LNPK: variants seen among roughly 807,000 people sequenced by gnomAD.
LNPK encodes the protein endoplasmic reticulum junction formation protein lunapark.
A neutral mutation model predicts 55.2 loss-of-function variants in LNPK; 29 were observed. The observed-to-expected ratio is 0.53, with a 90% CI of 0.39 to 0.72. The LOEUF (loss-of-function observed/expected upper bound fraction) is 0.72. LNPK is among the 30% of genes least tolerant of loss of function. LNPK has a pLI of 0.00. For missense variants in LNPK, 467 were observed against 494.8 expected, an observed-to-expected ratio of 0.94 and a Z score of 0.53; for synonymous variants, 162 against 168.2, an observed-to-expected ratio of 0.96 and a Z score of 0.29.
At chr2:175,965,646 T>C (rs900464292) in intron 6 of LNPK, among the ~76,000 whole-genome samples, 4 of 152,220 alleles carry the variant, frequency 2.6e-5, no homozygotes, top group Non-Finnish European at 5.9e-5. Flanking sequence ...ATTCGACATT[T>C]AAGAGGTAGG....
At chr2:175,995,072 A>G (rs1364534020) in intron 2 of LNPK, among the ~76,000 whole-genome samples, 1 of 151,266 alleles carries the variant, frequency 6.6e-6, no homozygotes, top group Non-Finnish European at 1.5e-5. Flanking sequence ...CAGGCGCGCA[A>G]CACTACGCCC....
At chr2:175,941,790 C>CA (rs59162981) in intron 9 of LNPK, among the ~76,000 whole-genome samples, 4,365 of 51,756 alleles carry the variant, frequency 0.084, 199 homozygotes, top group Non-Finnish European at 0.093. Flanking sequence ...GATTCCATCT[C>CA]AAAAAAAAAA....
chr2:175,951,594 T>TATATATATATATATATATATATATATAC (rs1685413244), intron 8 of LNPK, among the ~76,000 whole-genome samples: 1 of 97,562 alleles, frequency 1.0e-5, no homozygotes, highest in Non-Finnish European at 2.4e-5. Context: ...CATATATATA[T>TATATATATATATATATATATATATATAC]ATATATATAT....
chr2:175,967,793 A>T, intron 6 of LNPK: 1 of 966,428 alleles, frequency 1.0e-6, no homozygotes, highest in Non-Finnish European at 1.2e-6. Flanking sequence ...TTCTTCTGTT[A>T]TTGTGTAGCC....
At chr2:175,978,410 T>G (rs1383610240) in intron 5 of LNPK, among the ~76,000 whole-genome samples, 1 of 152,182 alleles carries the variant, frequency 6.6e-6, no homozygotes, top group Non-Finnish European at 1.5e-5. Context: ...TTTACATCTA[T>G]TTTCTGTATA....
At chr2:175,951,316 A>C (rs1685386331) in intron 8 of LNPK, among the ~76,000 whole-genome samples, 1 of 151,902 alleles carries the variant, frequency 6.6e-6, no homozygotes, top group South Asian at 2.1e-4. Context: ...TGGTGCACCC[A>C]TCACCCAAAC....
At chr2:175,991,630 A>T (rs1475743003) in intron 4 of LNPK, among the ~76,000 whole-genome samples, 3 of 152,190 alleles carry the variant, frequency 2.0e-5, no homozygotes, top group African/African-American at 7.2e-5. Context: ...CAGTCAGAGA[A>T]TTTTGTATTT....
chr2:175,973,260 T>C (rs1413396898), intron 5 of LNPK, among the ~76,000 whole-genome samples: 1 of 152,188 alleles, frequency 6.6e-6, no homozygotes, highest in African/African-American at 2.4e-5. Context: ...TATTTCAATC[T>C]AGGTTTTGAG....
intron 4 of LNPK, among the ~76,000 whole-genome samples, chr2:175,987,470 C>T (rs1687478170): frequency 6.6e-6 from 1 of 151,992 alleles, no homozygotes; most frequent in African/African-American, 2.4e-5. Context: ...GGGAATTGAA[C>T]AATGAGAACA....
chr2:175,948,442 T>C (rs1574831384), intron 8 of LNPK, among the ~76,000 whole-genome samples: 1 of 152,168 alleles, frequency 6.6e-6, no homozygotes, highest in Non-Finnish European at 1.5e-5. Flanking sequence ...AAGAGTAGAG[T>C]AGTTGCAACA....
intron 8 of LNPK, among the ~76,000 whole-genome samples, chr2:175,953,991 C>T (rs1308446462): frequency 2.6e-5 from 4 of 152,194 alleles, no homozygotes; most frequent in Admixed American, 2.6e-4. Flanking sequence ...CCTCGAGGTG[C>T]CAAGTTGTTT....
At chr2:175,949,590 T>C (rs368312239) in intron 8 of LNPK, among the ~76,000 whole-genome samples, 55 of 152,170 alleles carry the variant, frequency 3.6e-4, no homozygotes, top group African/African-American at 1.1e-3. Context: ...TTCCTCTAAA[T>C]GTGCATTTAC....
intron 4 of LNPK, among the ~76,000 whole-genome samples, chr2:175,986,186 T>C (rs1217951095): frequency 2.6e-5 from 4 of 152,168 alleles, no homozygotes; most frequent in African/African-American, 9.7e-5. Flanking sequence ...TCATTGCTAA[T>C]ATTCAACTCT....
chr2:175,967,078 C>T (rs1189500123), intron 6 of LNPK, among the ~76,000 whole-genome samples: 1 of 152,202 alleles, frequency 6.6e-6, no homozygotes, highest in Non-Finnish European at 1.5e-5. Flanking sequence ...CAACCCTTAG[C>T]CACCAGCCAC....
intron 4 of LNPK, among the ~76,000 whole-genome samples, chr2:175,987,374 G>A (rs1050516219): frequency 1.3e-5 from 2 of 152,162 alleles, no homozygotes; most frequent in Non-Finnish European, 2.9e-5. Flanking sequence ...TCCTTTGTAT[G>A]GACATGGATG....
chr2:175,954,497 C>T (rs1685591296), intron 8 of LNPK, among the ~76,000 whole-genome samples: 1 of 152,198 alleles, frequency 6.6e-6, no homozygotes. Flanking sequence ...GAAAAGCTAT[C>T]TTTAAGCAGA....
At chr2:175,932,121 T>G (rs1327076169) in intron 12 of LNPK, 3 of 452,022 alleles carry the variant, frequency 6.6e-6, no homozygotes, top group South Asian at 4.7e-5. Flanking sequence ...CAGGCCCACA[T>G]AGTTTGTCAT....
At chr2:175,978,138 T>C (rs964104255) in intron 5 of LNPK, among the ~76,000 whole-genome samples, 16 of 152,118 alleles carry the variant, frequency 1.1e-4, no homozygotes, top group African/African-American at 3.6e-4. Flanking sequence ...AAATCAACCA[T>C]GGATCAAAAA....
intron 5 of LNPK, among the ~76,000 whole-genome samples, chr2:175,971,737 T>A (rs1463104676): frequency 3.9e-5 from 6 of 152,190 alleles, no homozygotes; most frequent in Non-Finnish European, 5.9e-5. Context: ...GTCTTTAATG[T>A]GATAGCTAAC....
Sources: gnomAD v4.1 joint callset for allele counts (sites outside exome capture counted in the v4.1 genomes callset) on GRCh38, gnomAD v4.1.1 for gene constraint, MANE v1.5 for transcripts, NCBI Gene and HGNC (gene_info 2026-07-23, HGNC 2026-07-21) for gene names.